NRF1: variants seen among roughly 807,000 people sequenced by gnomAD.
NRF1 encodes alpha palindromic-binding protein.
In NRF1, 5 loss-of-function variants were observed where a neutral mutation model predicts 58.5. The observed-to-expected ratio is 0.09, with a 90% CI of 0.04 to 0.18. NRF1 has a LOEUF of 0.18. Ranked by LOEUF, NRF1 falls within the 10% of genes least tolerant of loss-of-function variation. The probability of loss-of-function intolerance (pLI) is 1.00; values close to 1 mark genes in which losing one functional copy is unlikely to be tolerated. For synonymous variants in NRF1, 224 were observed against 246.7 expected (o/e 0.91, Z 0.86); for missense variants, 288 against 657.7 (o/e 0.44, Z 6.15).
intron 5 of NRF1, among the ~76,000 whole-genome samples, chr7:129,706,651 G>C (rs1375688344): frequency 6.6e-6 from 1 of 152,170 alleles, no homozygotes; most frequent in Non-Finnish European, 1.5e-5. Context: ...GGCTGATGCT[G>C]AGCCCACCTT....
At chr7:129,613,803 G>C (rs1053118981) in intron 1 of NRF1, among the ~76,000 whole-genome samples, 1 of 151,544 alleles carries the variant, frequency 6.6e-6, no homozygotes, top group African/African-American at 2.4e-5. Context: ...GAGGGGCGGG[G>C]GCGGGGGCTG....
intron 1 of NRF1, among the ~76,000 whole-genome samples, chr7:129,642,410 T>C (rs1251072694): frequency 6.6e-6 from 1 of 152,352 alleles, no homozygotes; most frequent in East Asian, 1.9e-4. Flanking sequence ...CTTCAGAGGA[T>C]TGGTAAACTA....
intron 3 of NRF1, among the ~76,000 whole-genome samples, chr7:129,672,706 G>A (rs769180227): frequency 6.6e-6 from 1 of 152,134 alleles, no homozygotes; most frequent in African/African-American, 2.4e-5. Flanking sequence ...GAAGGATTGC[G>A]ATGACATTTA....
intron 1 of NRF1, among the ~76,000 whole-genome samples, chr7:129,614,933 A>G (rs1800629997): frequency 6.6e-6 from 1 of 152,192 alleles, no homozygotes; most frequent in Admixed American, 6.5e-5. Flanking sequence ...GAAGCATTTT[A>G]TGTAAATAAT....
Position 129,755,191 on chromosome 7 carries a change from A to G in NRF1, c.*10A>G, listed in dbSNP as rs1804223480. 1.3e-6 allele frequency: 2 copies of G among 1,568,182 alleles called. No individual in the cohort carries two copies. Among genetic ancestry groups the G allele is most frequent in the Admixed American group, 1.9e-5 (1 of 52,370 alleles). On this transcript the variant is annotated 3_prime_UTR_variant, in exon 11 of 11. Coordinates refer to ENST00000393232, the MANE Select transcript of NRF1 (RefSeq NM_005011.5). The surrounding 1 kb of genome is among the most constrained non-coding windows in gnomAD (Gnocchi z 5.8). ...GACATTGGAACAGTGACATACAGCC[A>G]TATTATGGCATCGTTTTCTAGTCTA...
At chr7:129,671,364 A>T in intron 2 of NRF1, 65 bp from the exon 3 acceptor site, 1 of 967,618 alleles carries the variant, frequency 1.0e-6, no homozygotes, top group Non-Finnish European at 1.6e-6. Flanking sequence ...TGTACCTTTA[A>T]TTGTTTCTGT....
chr7:129,654,653 G>T (rs1285824180), intron 1 of NRF1, among the ~76,000 whole-genome samples: 3 of 152,104 alleles, frequency 2.0e-5, no homozygotes, highest in Non-Finnish European at 4.4e-5. Flanking sequence ...TCTATGTCTA[G>T]ATTTCATTTT....
chr7:129,663,220 C>A (rs555417222), intron 2 of NRF1, among the ~76,000 whole-genome samples: 2 of 152,084 alleles, frequency 1.3e-5, no homozygotes, highest in Non-Finnish European at 2.9e-5. Context: ...CTTTTCTTTT[C>A]GACAAAACCG....
chr7:129,754,597 A>C (rs144732568), intron 10 of NRF1, among the ~76,000 whole-genome samples: 1 of 152,092 alleles, frequency 6.6e-6, no homozygotes, highest in African/African-American at 2.4e-5. Context: ...GGTGCAAAGG[A>C]AGAATAAGTT....
intron 5 of NRF1, among the ~76,000 whole-genome samples, chr7:129,698,649 T>C (rs1019569788): frequency 2.6e-5 from 4 of 152,148 alleles, no homozygotes; most frequent in African/African-American, 9.7e-5. Flanking sequence ...GCTAAGTCAG[T>C]TCCTCTCAAA....
At chr7:129,647,702 A>G (rs1022432633) in intron 1 of NRF1, among the ~76,000 whole-genome samples, 15 of 152,060 alleles carry the variant, frequency 9.9e-5, no homozygotes, top group Admixed American at 9.2e-4. Context: ...CCCAAAGCTT[A>G]TTTTTCTTAA....
At chr7:129,690,294 A>T in intron 4 of NRF1, 112 bp from the exon 5 acceptor site, 1 of 976,522 alleles carries the variant, frequency 1.0e-6, no homozygotes, top group Non-Finnish European at 1.5e-6. Flanking sequence ...GTTTGTTTTT[A>T]AGGCTATGCA....
intron 1 of NRF1, among the ~76,000 whole-genome samples, chr7:129,640,311 G>A (rs1313308927): frequency 6.6e-6 from 1 of 152,140 alleles, no homozygotes; most frequent in Non-Finnish European, 1.5e-5. Context: ...GAGCCCAGGA[G>A]TTTAAGACCA....
At chr7:129,649,927 A>G (rs1211490430) in intron 1 of NRF1, among the ~76,000 whole-genome samples, 1 of 151,556 alleles carries the variant, frequency 6.6e-6, no homozygotes, top group Non-Finnish European at 1.5e-5. Flanking sequence ...CTAATTTTTC[A>G]TTTTTTGTAG....
At chr7:129,723,908 A>G (rs2116239781) in intron 9 of NRF1, among the ~76,000 whole-genome samples, 1 of 152,342 alleles carries the variant, frequency 6.6e-6, no homozygotes, top group Non-Finnish European at 1.5e-5. Flanking sequence ...CCTTTACCTA[A>G]CACAGTGTAT....
intron 1 of NRF1, among the ~76,000 whole-genome samples, chr7:129,626,669 A>G (rs377365005): frequency 1.8e-4 from 27 of 152,366 alleles, no homozygotes; most frequent in East Asian, 1.2e-3. Flanking sequence ...TGGTGCTATC[A>G]GATTTCTTAA....
chr7:129,691,715 C>T (rs1275965369), intron 5 of NRF1, among the ~76,000 whole-genome samples: 1 of 151,858 alleles, frequency 6.6e-6, no homozygotes, highest in Non-Finnish European at 1.5e-5. Flanking sequence ...GGTTTTTTTC[C>T]TTATCTTATT....
chr7:129,749,269 T>C (rs988966363), intron 10 of NRF1, among the ~76,000 whole-genome samples: 4 of 152,104 alleles, frequency 2.6e-5, no homozygotes, highest in African/African-American at 4.8e-5. Flanking sequence ...GGGTTCTGTA[T>C]TTGAAGGGAG....
chr7:129,612,245 C>T (rs1252427792), intron 1 of NRF1, among the ~76,000 whole-genome samples: 2 of 150,990 alleles, frequency 1.3e-5, no homozygotes, highest in Non-Finnish European at 3.0e-5. Flanking sequence ...CTGCGCGGGA[C>T]CGGAGCCGCG....
Sources: allele counts gnomAD v4.1 joint callset (sites outside exome capture counted in the v4.1 genomes callset), GRCh38; gene constraint gnomAD v4.1.1; non-coding constraint Gnocchi (gnomAD v3.1); transcripts MANE v1.5; gene names NCBI Gene and HGNC (gene_info 2026-07-23, HGNC 2026-07-21).